Variants in DNAH17 observed in about 807,000 individuals in gnomAD.
The protein encoded by DNAH17 is dynein axonemal heavy chain 17, also known as axonemal beta dynein heavy chain 17.
A neutral mutation model predicts 485.6 loss-of-function variants in DNAH17; 376 were observed. That is an observed-to-expected ratio of 0.77 (90% CI 0.71 to 0.84). The LOEUF (loss-of-function observed/expected upper bound fraction) is 0.84. DNAH17 is among the 40% of genes least tolerant of loss of function. The probability of loss-of-function intolerance (pLI) is 0.00; values close to 1 mark genes in which losing one functional copy is unlikely to be tolerated. For missense variants in DNAH17, 6,370 were observed against 5,839.3 expected (o/e 1.09, Z -2.96); for synonymous variants, 3,031 against 2,405.9 (o/e 1.26, Z -7.60).
At chr17:78,552,906 G>A (rs191207857) in intron 14 of DNAH17, 101 bp from the exon 15 acceptor site, 77 of 803,348 alleles carry the variant, frequency 9.6e-5, no homozygotes, top group Non-Finnish European at 1.5e-4. Flanking sequence ...AATACGGTTT[G>A]GATCTGTGTC....
chr17:78,490,712 G>C lies in DNAH17; in HGVS notation c.6805C>G (p.Leu2269Val), dbSNP rs769089123. 6.2e-7 allele frequency: 1 copy of C among 1,607,868 alleles called. No homozygotes were observed. Among genetic ancestry groups the C allele is most frequent in the South Asian group, 1.1e-5 (1 of 89,838 alleles). ...AGILYINPADLGWNPVVSSWI... is the reference protein window; with the variant it reads ...AGILYINPADVGWNPVVSSWI... ...AGCCCCACTCACGGGTTCCATCCCA[G>C]GTCGGCTGGGTTGATGTAGAGGATG... Residue 2269 changes from leucine (L) to valine (V), a missense_variant, in exon 44 of 81, where the codon CTG becomes GTG. Leu to Val is a conservative substitution (Grantham distance 32, BLOSUM62 1). Coordinates refer to ENST00000389840, the MANE Select transcript of DNAH17 (RefSeq NM_173628.4).
chr17:78,503,178 T>A (rs1479555328), intron 31 of DNAH17, 167 bp from the exon 32 acceptor site: 4 of 508,894 alleles, frequency 7.9e-6, no homozygotes, highest in African/African-American at 5.5e-5. Context: ...CCTTTTTTTT[T>A]TTTTTTTTTT....
chr17:78,469,705 G>A (rs527382294), intron 54 of DNAH17, among the ~76,000 whole-genome samples: 58 of 152,206 alleles, frequency 3.8e-4, no homozygotes, highest in Non-Finnish European at 6.6e-4. Flanking sequence ...TACATAAAAC[G>A]TGGTCCATCT....
intron 5 of DNAH17, 58 bp from the exon 6 acceptor site, chr17:78,571,091 A>G: frequency 1.3e-6 from 2 of 1,484,438 alleles, no homozygotes; most frequent in Non-Finnish European, 1.8e-6. Context: ...CTCAGAAACG[A>G]TGAGGGTGCG....
In DNAH17 at chr17:78,500,669, C is replaced by T. The variant is rs4969163; in HGVS notation, c.5484-208G>A. On this transcript the variant is annotated intron_variant, in intron 35 of 80. Transcript: ENST00000389840. ...GACTATAGGCGCCCGCCACCATGCC[C>T]GGCTAATTTTTGTATTTTCAGTAGA... 99,002 of 397,894 alleles carry T rather than the reference C, an allele frequency of 0.25. 12,976 individuals carry two copies. The highest frequency in any genetic ancestry group is 0.34 in the South Asian group (7,013 of 20,362). The allele number at this position is 397,894 out of a possible 1,614,324, so 24.6% of individuals were successfully genotyped here.
Position 78,526,365 on chromosome 17 carries a change from G to A in DNAH17, c.3711+286C>T, listed in dbSNP as rs150971905. Among the ~76,000 whole-genome samples the A allele has an allele frequency of 7.2e-5, 11 of 152,300 alleles. No individual in the cohort carries two copies. In the East Asian group the frequency reaches 2.1e-3, roughly 29 times the overall value. On this transcript the variant is annotated intron_variant, in intron 24 of 80. Transcript: ENST00000389840. ...GGCTAAGGGACTATGGGTCACACAG[G>A]GTGTTAAGGGGCCTGAGCCGTGGGC...
intron 58 of DNAH17, among the ~76,000 whole-genome samples, chr17:78,460,981 A>G (rs1490933806): frequency 1.3e-5 from 2 of 152,182 alleles, no homozygotes; most frequent in Non-Finnish European, 2.9e-5. Context: ...GGGAGGGGTC[A>G]TGAGAAGCTG....
intron 1 of DNAH17, among the ~76,000 whole-genome samples, chr17:78,575,582 CAGCCGT>C (rs1178760843): frequency 6.6e-6 from 1 of 152,192 alleles, no homozygotes; most frequent in Non-Finnish European, 1.5e-5. Flanking sequence ...GTCTTAGCCG[CAGCCGT>C]GGTGCACCTT....
At chr17:78,533,486 G>A (rs1488988170) in intron 19 of DNAH17, among the ~76,000 whole-genome samples, 3 of 152,168 alleles carry the variant, frequency 2.0e-5, no homozygotes, top group Non-Finnish European at 4.4e-5. Context: ...ACTAAAGGAA[G>A]TCTACTGTCG....
rs76515847 is a variant in DNAH17 at position 78,461,818 on chromosome 17, C to T, written c.9175-110G>A. 951 of 1,061,188 alleles carry T rather than the reference C, an allele frequency of 9.0e-4. 11 individuals are homozygous for T. The East Asian group carries it at 0.024, about 27-fold the overall frequency. 65.7% of individuals were successfully genotyped at this position (1,061,188 alleles called of 1,614,324 possible). On this transcript the variant is annotated intron_variant, in intron 57 of 80. Transcript: ENST00000389840. ...CCACAGAGGGGCAGAACGGCAGGGC[C>T]GTGTCTTACGACTCCCAGTGACTCG...
intron 75 of DNAH17, 99 bp from the exon 76 acceptor site, chr17:78,429,399 A>G: frequency 7.5e-7 from 1 of 1,333,042 alleles, no homozygotes; most frequent in Non-Finnish European, 1.0e-6. Flanking sequence ...GAACCCAGCC[A>G]TTGGTGCTGT....
intron 16 of DNAH17, among the ~76,000 whole-genome samples, chr17:78,550,784 G>T (rs1359744326): frequency 1.3e-5 from 2 of 152,182 alleles, no homozygotes; most frequent in East Asian, 1.9e-4. Flanking sequence ...GAAAAGGACC[G>T]TATCAAGAAA....
chr17:78,475,441 A>G lies in DNAH17; in HGVS notation c.8348T>C (p.Ile2783Thr), dbSNP rs780760627. The G allele has an allele frequency of 1.2e-6, 2 of 1,613,822 alleles. No homozygotes were observed. The highest frequency in any genetic ancestry group is 3.3e-5 in the Admixed American group (2 of 60,008). Residue 2783 changes from isoleucine to threonine, a missense_variant, in exon 54 of 81, where the codon ATC becomes ACC. Transcript: ENST00000389840. Reference sequence around the variant, plus strand: ...CTCCAGGATGCGATTAATCCTGCAGATGTGAGCCACGGCGTCCTCAAACAG... The same window carrying G: ...CTCCAGGATGCGATTAATCCTGCAGGTGTGAGCCACGGCGTCCTCAAACAG... ...LVLFEDAVAH[I>T]CRINRILESP...
chr17:78,475,747 T>C lies in DNAH17; in HGVS notation c.8241A>G (p.Val2747=), dbSNP rs372629050. Residue 2747 remains valine (V), a synonymous_variant, in exon 53 of 81, where the codon GTA becomes GTG. Coordinates refer to ENST00000389840, the MANE Select transcript of DNAH17 (RefSeq NM_173628.4). ...QGIGDPKYVP[V]TDMAPLNKLL... ...GCTTGTTCAGAGGAGCCATGTCGGT[T>C]ACAGGAACATATTTGGGATCGCCAA... The C allele has an allele frequency of 3.5e-5, 57 of 1,607,406 alleles. No homozygotes were observed. Among genetic ancestry groups the C allele is most frequent in the Middle Eastern group, 1.6e-4 (1 of 6,068 alleles).
At chr17:78,555,449 T>C (rs1356702457) in intron 14 of DNAH17, among the ~76,000 whole-genome samples, 4 of 144,428 alleles carry the variant, frequency 2.8e-5, no homozygotes, top group Non-Finnish European at 4.5e-5. Flanking sequence ...GTGTTTCTAA[T>C]GAATGGACCA....
chr17:78,502,055 T>C, intron 33 of DNAH17, 182 bp from the exon 34 acceptor site: 4 of 751,322 alleles, frequency 5.3e-6, no homozygotes, highest in Non-Finnish European at 8.4e-6. Flanking sequence ...GCGGCCCTGA[T>C]GGGACACCTG....
In DNAH17 at chr17:78,492,625, C is replaced by CT. The variant is rs2089910933; in HGVS notation, c.6541+7dup. 3 of 1,613,504 alleles carry CT rather than the reference C, an allele frequency of 1.9e-6. 1 individual carries two copies. In the African/African-American group the frequency reaches 4.0e-5, roughly 22 times the overall value. Reference sequence around the variant, plus strand: ...CCCTGCAGCCTGTCCCGGGACCACCCTCGTTACCATCTTTCCATTCCCTGG... The same window carrying CT: ...CCCTGCAGCCTGTCCCGGGACCACCCTTCGTTACCATCTTTCCATTCCCTGG... On this transcript the variant is annotated splice_region_variant and intron_variant, in intron 42 of 80. Transcript: ENST00000389840.
chr17:78,472,213 G>GGGGGTGTGTGAGACATTA (rs1323449564), intron 54 of DNAH17, among the ~76,000 whole-genome samples: 1 of 149,232 alleles, frequency 6.7e-6, no homozygotes, highest in Non-Finnish European at 1.5e-5. Context: ...ATTTGGGAGT[G>GGGGGTGTGTGAGACATTA]GGGGTGTGTG....
chr17:78,563,754 G>C (rs931612196), intron 11 of DNAH17, among the ~76,000 whole-genome samples: 2 of 144,748 alleles, frequency 1.4e-5, no homozygotes, highest in African/African-American at 5.5e-5. Flanking sequence ...CTCCGGAACA[G>C]GCAGGGGCTG....
Sources: gnomAD v4.1 joint callset for allele counts (sites outside exome capture counted in the v4.1 genomes callset) on GRCh38, gnomAD v4.1.1 for gene constraint, MANE v1.5 for transcripts, NCBI Gene and HGNC (gene_info 2026-07-23, HGNC 2026-07-21) for gene names.